C1orf115: variants seen among roughly 807,000 people sequenced by gnomAD.
C1orf115 encodes the protein required for drug-induced death protein 1.
In C1orf115, 14 loss-of-function variants were observed where a neutral mutation model predicts 12.5. The observed-to-expected ratio is 1.12, with a 90% CI of 0.74 to 1.75. C1orf115 has a LOEUF of 1.75. Ranked by LOEUF, C1orf115 falls within the 40% of genes most tolerant of loss-of-function variation. C1orf115 has a pLI of 0.00. For synonymous variants in C1orf115, 109 were observed against 104.6 expected, an observed-to-expected ratio of 1.04 and a Z score of -0.26; for missense variants, 237 against 220.8, an observed-to-expected ratio of 1.07 and a Z score of -0.46.
chr1:220,694,096 A>G (rs1297408032), intron 1 of C1orf115, among the ~76,000 whole-genome samples: 1 of 151,804 alleles, frequency 6.6e-6, no homozygotes, highest in Non-Finnish European at 1.5e-5. Flanking sequence ...AAAAAAAAAA[A>G]AAAAAAGCTC....
At chr1:220,695,279 G>A (rs1023910301) in intron 1 of C1orf115, among the ~76,000 whole-genome samples, 4 of 152,118 alleles carry the variant, frequency 2.6e-5, no homozygotes, top group African/African-American at 9.7e-5. Flanking sequence ...AAGCTAATGG[G>A]ATCCAATGGA....
At chr1:220,690,760 C>T (rs778132335) in intron 1 of C1orf115, 49 bp downstream of exon 1, 2 of 1,535,086 alleles carry the variant, frequency 1.3e-6, no homozygotes, top group South Asian at 1.2e-5. Context: ...TGTGGTGTCC[C>T]GCGGGGGAGC....
chr1:220,691,676 C>T (rs532478394), intron 1 of C1orf115, among the ~76,000 whole-genome samples: 1 of 152,328 alleles, frequency 6.6e-6, no homozygotes, highest in Non-Finnish European at 1.5e-5. Context: ...GCTTAGAGCC[C>T]TGCTAGGACG....
Position 220,696,988 on chromosome 1 carries a change from C to A in C1orf115, c.*257C>A. The stretch of plus-strand genomic sequence containing the variant: ...GCGGAGGTTAGGTTTGGGAGTGGAG[C>A]TAGCGTGCTAAAGCCAGAGCCTTCA... On this transcript the variant is annotated 3_prime_UTR_variant, in exon 2 of 2. Coordinates refer to ENST00000294889, the MANE Select transcript of C1orf115 (RefSeq NM_024709.5). 1 of 347,320 alleles carries A rather than the reference C, an allele frequency of 2.9e-6. No homozygotes were observed. Among genetic ancestry groups the A allele is most frequent in the Non-Finnish European group, 5.1e-6 (1 of 198,018 alleles). 21.5% of individuals were successfully genotyped at this position (347,320 alleles called of 1,614,324 possible).
rs1670090362 is a variant in C1orf115, at chr1:220,690,769, G to A, written c.309+58G>A. ...CGCGGGTGTGGTGTCCCGCGGGGGA[G>A]CGGGAGCCGGGTCCTTACCATCGAC... is the stretch of plus-strand genomic sequence containing the variant. On this transcript the variant is annotated intron_variant, in intron 1 of 1. Transcript: ENST00000294889. 3.9e-6 allele frequency: 6 copies of A among 1,527,710 alleles called. 1 individual carries two copies. The South Asian group carries it at 4.8e-5, about 12-fold the overall frequency. The allele number at this position is 1,527,710 out of a possible 1,614,324, so 94.6% of individuals were successfully genotyped here.
chr1:220,692,775 G>A (rs1345870392), intron 1 of C1orf115, among the ~76,000 whole-genome samples: 5 of 152,166 alleles, frequency 3.3e-5, no homozygotes, highest in East Asian at 3.8e-4. Context: ...CGGGCTGTAC[G>A]CACTTTAAAA....
In C1orf115 at chr1:220,690,726, C is replaced by G. The variant is rs755801510; in HGVS notation, c.309+15C>G. On this transcript the variant is annotated intron_variant, in intron 1 of 1. Transcript: ENST00000294889. ...AGTACGGCAAGGTAGGGGCCCTGCG[C>G]CACCACTGCCCGGGGGGCGCGGGTG... 3 of 1,568,014 alleles carry G rather than the reference C, an allele frequency of 1.9e-6. No homozygotes were observed. Among genetic ancestry groups the G allele is most frequent in the East Asian group, 2.4e-5 (1 of 41,086 alleles).
In C1orf115 at chr1:220,694,995, G is replaced by A. The variant is rs557529224; in HGVS notation, c.310-1617G>A. 4.6e-5 allele frequency among the ~76,000 whole-genome samples: 7 copies of A among 152,258 alleles called. No individual in the cohort carries two copies. The East Asian group carries it at 1.2e-3, about 25-fold the overall frequency. On this transcript the variant is annotated intron_variant, in intron 1 of 1. Transcript: ENST00000294889. Reference sequence around the variant, plus strand: ...GAACTAAGAATATGGAGTCAAAGACGCCACATGATTATTTCATAAAGTATG... The same window carrying A: ...GAACTAAGAATATGGAGTCAAAGACACCACATGATTATTTCATAAAGTATG...
intron 1 of C1orf115, among the ~76,000 whole-genome samples, chr1:220,694,282 G>A (rs2102517313): frequency 6.6e-6 from 1 of 152,312 alleles, no homozygotes; most frequent in Admixed American, 6.5e-5. Flanking sequence ...ACTGCCTGCA[G>A]TTTGTGCCAG....
rs748027854 is a variant in C1orf115, at chr1:220,698,848, T to C, written c.*2117T>C. On this transcript the variant is annotated 3_prime_UTR_variant, in exon 2 of 2. Transcript: ENST00000294889. ...TCAAAAGTCAAAACCTCCTAGGGGT[T>C]GTCCTGGGAGTCAGGTTCACGGGTA... 10 of 152,138 alleles carry C rather than the reference T, an allele frequency of 6.6e-5. No homozygotes were observed. The highest frequency in any genetic ancestry group is 1.2e-4 in the Non-Finnish European group (8 of 68,026). The allele number at this position is 152,138 out of a possible 1,614,324, so 9.4% of individuals were successfully genotyped here. A position where few individuals can be genotyped will look rare whatever the true frequency, so the allele number is the denominator to read the frequency against.
intron 1 of C1orf115, among the ~76,000 whole-genome samples, chr1:220,696,114 G>A (rs1670190500): frequency 6.6e-6 from 1 of 152,178 alleles, no homozygotes; most frequent in Non-Finnish European, 1.5e-5. Context: ...GAAAATGGCA[G>A]AAGACTACAA....
At chr1:220,693,841 G>A (rs1670147870) in intron 1 of C1orf115, among the ~76,000 whole-genome samples, 1 of 152,148 alleles carries the variant, frequency 6.6e-6, no homozygotes, top group African/African-American at 2.4e-5. Context: ...CACTTTGGGA[G>A]GCTGAGGCGG....
Position 220,690,551 on chromosome 1 carries a change from A to AGAGCGGGACGAGCGCGGCGGAC in C1orf115, c.157_178dup (p.Gly60AspfsTer120). Reference sequence around the variant, plus strand: ...GCGGACGAGGCGGAGGCGGCGGCCGAGAGCGGGACGAGCGCGGCGGACGAG... The same window carrying AGAGCGGGACGAGCGCGGCGGAC: ...GCGGACGAGGCGGAGGCGGCGGCCGAGAGCGGGACGAGCGCGGCGGACGAGCGGGACGAGCGCGGCGGACGAG... On this transcript the variant is annotated frameshift_variant, in exon 1 of 2. Coordinates refer to ENST00000294889, the MANE Select transcript of C1orf115 (RefSeq NM_024709.5). LOFTEE classifies it high-confidence loss of function. 6.8e-7 allele frequency: 1 copy of AGAGCGGGACGAGCGCGGCGGAC among 1,461,628 alleles called. No individual in the cohort carries two copies. The highest frequency in any genetic ancestry group is 9.0e-7 in the Non-Finnish European group (1 of 1,112,774). 90.5% of individuals were successfully genotyped at this position (1,461,628 alleles called of 1,614,324 possible). A position where few individuals can be genotyped will look rare whatever the true frequency, so the allele number is the denominator to read the frequency against.
In C1orf115 at chr1:220,698,468, G is replaced by A. The variant is rs951487453; in HGVS notation, c.*1737G>A. The A allele has an allele frequency of 2.2e-4, 34 of 152,278 alleles. No individual in the cohort carries two copies. The highest frequency in any genetic ancestry group is 7.5e-4 in the African/African-American group (31 of 41,468). The allele number at this position is 152,278 out of a possible 1,614,324, so 9.4% of individuals were successfully genotyped here. ...TGGTTTTAGCCCAGATGATGAAAGT[G>A]GATATGGCACATTTTCACACACGTG... On this transcript the variant is annotated 3_prime_UTR_variant, in exon 2 of 2. Coordinates refer to ENST00000294889, the MANE Select transcript of C1orf115 (RefSeq NM_024709.5).
chr1:220,690,740 G>T, intron 1 of C1orf115, 29 bp downstream of exon 1: 1 of 1,556,686 alleles, frequency 6.4e-7, no homozygotes, highest in East Asian at 2.5e-5. Context: ...CACTGCCCGG[G>T]GGGCGCGGGT....
At chr1:220,692,250 C>G (rs1454834596) in intron 1 of C1orf115, among the ~76,000 whole-genome samples, 2 of 152,146 alleles carry the variant, frequency 1.3e-5, no homozygotes, top group Non-Finnish European at 2.9e-5. Context: ...TTAAAAAGTT[C>G]AGTGTAGACT....
intron 1 of C1orf115, among the ~76,000 whole-genome samples, chr1:220,695,387 A>G (rs1321729055): frequency 1.3e-5 from 2 of 151,822 alleles, no homozygotes; most frequent in African/African-American, 4.8e-5. Flanking sequence ...GGGGAAGAAG[A>G]CCACTTTCTC....
chr1:220,697,781 A>G lies in C1orf115; in HGVS notation c.*1050A>G, dbSNP rs337154. ...GGAAATGGAAATGAGGCAAGAGGAC[A>G]TTGGAAGAGAGAAGTTTGCTGTCCA... is the stretch of plus-strand genomic sequence containing the variant. On this transcript the variant is annotated 3_prime_UTR_variant, in exon 2 of 2. Transcript: ENST00000294889. This position sits in a 1 kb window ranked among gnomAD's most constrained non-coding sequence, Gnocchi z 4.5. 0.35 allele frequency: 53,661 copies of G among 152,784 alleles called. 10,819 individuals carry two copies. Among genetic ancestry groups the G allele is most frequent in the East Asian group, 0.83 (4,294 of 5,198 alleles). The allele number at this position is 152,784 out of a possible 1,614,324, so 9.5% of individuals were successfully genotyped here. A position where few individuals can be genotyped will look rare whatever the true frequency, so the allele number is the denominator to read the frequency against.
chr1:220,691,205 C>T (rs1257514397), intron 1 of C1orf115, among the ~76,000 whole-genome samples: 4 of 152,062 alleles, frequency 2.6e-5, no homozygotes, highest in South Asian at 4.1e-4. Flanking sequence ...AGCCTGGGAG[C>T]GCAACAAATA....
Sources: gnomAD v4.1 joint callset for allele counts (sites outside exome capture counted in the v4.1 genomes callset) on GRCh38, gnomAD v4.1.1 for gene constraint, Gnocchi (gnomAD v3.1) non-coding constraint, MANE v1.5 for transcripts, NCBI Gene and HGNC (gene_info 2026-07-23, HGNC 2026-07-21) for gene names.